The following SART1 variants were observed in gnomAD, a reference collection of about 807,000 sequenced individuals.
The protein encoded by SART1 is U4/U6.U5 tri-snRNP-associated protein 1.
Under a neutral mutation model 105.0 loss-of-function variants are expected in SART1, and 28 were observed. The ratio of observed to expected loss-of-function variants is 0.27; its 90% confidence interval spans 0.20 to 0.37. The LOEUF is 0.37. SART1 is among the 10% of genes least tolerant of loss of function. The pLI, the probability that SART1 is intolerant of heterozygous loss-of-function variation, is 1.00. For synonymous variants in SART1, 472 were observed against 462.9 expected, an observed-to-expected ratio of 1.02 and a Z score of -0.25; for missense variants, 894 against 1,106.5, an observed-to-expected ratio of 0.81 and a Z score of 2.72.
At chr11:65,965,053 A>T (rs764148984) in intron 3 of SART1, 39 bp from the exon 4 acceptor site, 2 of 1,539,852 alleles carry the variant, frequency 1.3e-6, no homozygotes, top group South Asian at 2.5e-5. Flanking sequence ...CCCACCAGCC[A>T]TGGGCGGGCA....
At chr11:65,974,776 C>T (rs1382168166) in intron 12 of SART1, among the ~76,000 whole-genome samples, 1 of 152,136 alleles carries the variant, frequency 6.6e-6, no homozygotes, top group Non-Finnish European at 1.5e-5. Flanking sequence ...TGGCTCACGT[C>T]TGTAACCCCA....
chr11:65,967,388 G>T lies in SART1; in HGVS notation c.1313+5G>T. ...GGATGGGGACTTTGGTTCCAGGTGG[G>T]CTTGGACACGGTGGTGGGGCGAGAT... On this transcript the variant is annotated splice_donor_5th_base_variant and intron_variant, in intron 10 of 19. Coordinates refer to ENST00000312397, the MANE Select transcript of SART1 (RefSeq NM_005146.5). 1 of 1,614,096 alleles carries T rather than the reference G, an allele frequency of 6.2e-7. No homozygotes were observed. Among genetic ancestry groups the T allele is most frequent in the Non-Finnish European group, 8.5e-7 (1 of 1,179,984 alleles).
intron 12 of SART1, among the ~76,000 whole-genome samples, chr11:65,968,640 CG>C (rs1565314787): frequency 6.6e-6 from 1 of 152,028 alleles, no homozygotes; most frequent in African/African-American, 2.4e-5. Flanking sequence ...GCCAGCCTTG[CG>C]GGGGGTTAGG....
intron 12 of SART1, among the ~76,000 whole-genome samples, chr11:65,975,509 C>T (rs1198582343): frequency 6.7e-6 from 1 of 149,580 alleles, no homozygotes; most frequent in Non-Finnish European, 1.5e-5. Context: ...CAAGCTCAAG[C>T]AGTACTCCCA....
chr11:65,966,410 T>A lies in SART1; in HGVS notation c.1042T>A (p.Ser348Thr). The change falls in exon 9 of 20, where the codon TCC (serine) becomes ACC (threonine). Residue 348 changes from serine (S) to threonine (T), a missense_variant. Physicochemically the swap from Ser to Thr is moderately conservative, Grantham distance 58. This residue lies in a region of SART1 where 712 missense variants were observed against 778.2 expected (regional missense o/e 0.91). Transcript: ENST00000312397. ...AGAGCTTGAAGGGGAGCGGCCACAT[T>A]CCTTCCGCTTGGAGCAGGGCGGCAC... Reference protein sequence around the residue: ...DEELEGERPHSFRLEQGGTAD... With the variant: ...DEELEGERPHTFRLEQGGTAD... 1 of 1,613,822 alleles carries A rather than the reference T, an allele frequency of 6.2e-7. No individual in the cohort carries two copies. The highest frequency in any genetic ancestry group is 8.5e-7 in the Non-Finnish European group (1 of 1,179,996).
chr11:65,973,572 C>T (rs866168566), intron 12 of SART1, among the ~76,000 whole-genome samples: 6 of 152,234 alleles, frequency 3.9e-5, no homozygotes, highest in African/African-American at 1.4e-4. Context: ...ACGCTACTCA[C>T]AGCCATGGGC....
intron 15 of SART1, among the ~76,000 whole-genome samples, 183 bp from the exon 16 acceptor site, chr11:65,977,380 T>TG (rs954343394): frequency 2.0e-5 from 3 of 152,186 alleles, no homozygotes; most frequent in Admixed American, 2.0e-4. Context: ...GCCATTTCCC[T>TG]GGCCAGTGAC....
In SART1 at chr11:65,977,629, C is replaced by T. The variant is rs1283540071; in HGVS notation, c.2012C>T (p.Ala671Val). The T allele has an allele frequency of 1.9e-6, 3 of 1,613,934 alleles. No homozygotes were observed. The highest frequency in any genetic ancestry group is 1.3e-5 in the African/African-American group (1 of 74,912). ...VKAPNKSLPSAVYCIEDKMAI... is the reference protein window; with the variant it reads ...VKAPNKSLPSVVYCIEDKMAI... ...GCCCCCAACAAGTCGCTGCCCTCAGCCGTGTACTGCATCGAGGATAAGATG... is the reference window on the plus strand; with the variant it reads ...GCCCCCAACAAGTCGCTGCCCTCAGTCGTGTACTGCATCGAGGATAAGATG... Residue 671 changes from alanine to valine, a missense_variant, in exon 16 of 20, where the codon GCC becomes GTC. Ala to Val is a moderately conservative substitution (Grantham distance 64). Around this residue, in one of 2 missense-constraint regions of SART1, gnomAD observed 182 missense variants for 328.3 expected, o/e 0.55. Coordinates refer to ENST00000312397, the MANE Select transcript of SART1 (RefSeq NM_005146.5).
intron 12 of SART1, among the ~76,000 whole-genome samples, chr11:65,974,478 G>T (rs1223775829): frequency 1.3e-5 from 2 of 151,426 alleles, no homozygotes; most frequent in Non-Finnish European, 2.9e-5. Flanking sequence ...GCTGGTTTTG[G>T]GACCAGCCTG....
chr11:65,973,361 T>C (rs531281005), intron 12 of SART1, among the ~76,000 whole-genome samples: 1 of 151,418 alleles, frequency 6.6e-6, no homozygotes, highest in South Asian at 2.1e-4. Context: ...AGGCGAAAGA[T>C]GTAGATAAGA....
rs1565312819 is a variant in SART1, at chr11:65,965,686, C to T, written c.661-16C>T. The T allele has an allele frequency of 1.2e-6, 2 of 1,611,206 alleles. No individual in the cohort carries two copies. Among genetic ancestry groups the T allele is most frequent in the Admixed American group, 1.7e-5 (1 of 59,876 alleles). ...GAGTGGCCTGAAGTCCTAGGTCACC[C>T]CTCCCTGTCCCGTAGGCCAAGTTAC... On this transcript the variant is annotated splice_polypyrimidine_tract_variant and intron_variant, in intron 5 of 19. Transcript: ENST00000312397.
chr11:65,965,048 C>G, intron 3 of SART1, 44 bp from the exon 4 acceptor site: 2 of 1,534,452 alleles, frequency 1.3e-6, no homozygotes, highest in African/African-American at 2.8e-5. Context: ...CTCTCCCCAC[C>G]AGCCATGGGC....
chr11:65,976,341 A>G lies in SART1; in HGVS notation c.1573-54A>G. On this transcript the variant is annotated intron_variant, in intron 12 of 19. Transcript: ENST00000312397. The surrounding 1 kb of genome is among the most constrained non-coding windows in gnomAD (Gnocchi z 5.1). The stretch of plus-strand genomic sequence containing the variant: ...GAGGACCCTTAGGTTCCTGGGTCTC[A>G]ATGGCATCACCCCAGAAACTGCTGG... The G allele has an allele frequency of 6.8e-7, 1 of 1,461,328 alleles. No individual in the cohort carries two copies. Among genetic ancestry groups the G allele is most frequent in the South Asian group, 1.5e-5 (1 of 68,942 alleles). 90.5% of individuals were successfully genotyped at this position (1,461,328 alleles called of 1,614,324 possible). A position where few individuals can be genotyped will look rare whatever the true frequency, so the allele number is the denominator to read the frequency against.
Position 65,978,815 on chromosome 11 carries a change from G to A in SART1, c.2285G>A (p.Ser762Asn). ...EEALLKKMSS[S>N]DTPLGTVALL... ...CAGCTCCTGAAGAAGATGAGCTCCA[G>A]CGACACGCCCCTGGGCACCGTGGCC... Residue 762 changes from serine to asparagine, a missense_variant, in exon 19 of 20, where the codon AGC (serine) becomes AAC (asparagine). By Grantham distance (46) the Ser-to-Asn change is conservative (BLOSUM62 1). Coordinates refer to ENST00000312397, the MANE Select transcript of SART1 (RefSeq NM_005146.5). The surrounding 1 kb of genome is among the most constrained non-coding windows in gnomAD (Gnocchi z 6.8). 1.2e-6 allele frequency: 2 copies of A among 1,614,012 alleles called. No individual in the cohort carries two copies. The highest frequency in any genetic ancestry group is 1.7e-6 in the Non-Finnish European group (2 of 1,179,962).
At chr11:65,975,682 T>C (rs1192317525) in intron 12 of SART1, among the ~76,000 whole-genome samples, 2 of 151,950 alleles carry the variant, frequency 1.3e-5, no homozygotes, top group Non-Finnish European at 2.9e-5. Flanking sequence ...AAAAAATGAA[T>C]GTAATATAAA....
At chr11:65,973,366 A>G (rs968644249) in intron 12 of SART1, among the ~76,000 whole-genome samples, 4 of 152,178 alleles carry the variant, frequency 2.6e-5, no homozygotes, top group African/African-American at 7.2e-5. Flanking sequence ...AAAGATGTAG[A>G]TAAGACAGGC....
chr11:65,961,745 C>G lies in SART1; in HGVS notation c.-36C>G. Reference sequence around the variant, plus strand: ...GTATTCCCATTTTGCGTTGTCTGGGCTCGGCGGCAGCCGGGCTCGGAGTGG... The same window carrying G: ...GTATTCCCATTTTGCGTTGTCTGGGGTCGGCGGCAGCCGGGCTCGGAGTGG... On this transcript the variant is annotated 5_prime_UTR_variant, in exon 1 of 20. Transcript: ENST00000312397. 6.8e-7 allele frequency: 1 copy of G among 1,465,318 alleles called. No homozygotes were observed. 90.8% of individuals were successfully genotyped at this position (1,465,318 alleles called of 1,614,324 possible). A position where few individuals can be genotyped will look rare whatever the true frequency, so the allele number is the denominator to read the frequency against.
In SART1 at chr11:65,961,797, AG is replaced by A. The variant is rs879420941; in HGVS notation, c.18del (p.Lys6AsnfsTer88). The A allele has an allele frequency of 1.3e-6, 2 of 1,547,556 alleles. No individual in the cohort carries two copies. Among genetic ancestry groups the A allele is most frequent in the African/African-American group, 1.4e-5 (1 of 69,226 alleles). MGSSK[K>X]HRGEKEAAGT... ...CGTGCCACTATGGGGTCGTCCAAGA[AG>A]CATCGCGGAGAGAAGGAGGCGGCCG... On this transcript the variant is annotated frameshift_variant, in exon 1 of 20. Transcript: ENST00000312397. LOFTEE classifies it high-confidence loss of function.
At chr11:65,970,824 G>T (rs2845575) in intron 12 of SART1, among the ~76,000 whole-genome samples, 1 of 43,910 alleles carries the variant, frequency 2.3e-5, no homozygotes. Context: ...CATGAGCTGA[G>T]GAGGGGGATG....
Sources: gnomAD v4.1 joint callset for allele counts (sites outside exome capture counted in the v4.1 genomes callset) on GRCh38, gnomAD v4.1.1 for gene constraint, gnomAD v4.1.1 regional missense constraint, Gnocchi (gnomAD v3.1) non-coding constraint, MANE v1.5 for transcripts, NCBI Gene and HGNC (gene_info 2026-07-23, HGNC 2026-07-21) for gene names.